The following ZNF835 variants were observed in gnomAD, a reference collection of about 807,000 sequenced individuals.
The protein encoded by ZNF835 is zinc finger protein 835.
For synonymous variants in ZNF835, 323 were observed against 324.7 expected (o/e 0.99, Z 0.06); for missense variants, 783 against 758.4 (o/e 1.03, Z -0.38).
chr19:56,671,273 C>T (rs942800566), intron 1 of ZNF835, among the ~76,000 whole-genome samples: 2 of 130,534 alleles, frequency 1.5e-5, no homozygotes, highest in Admixed American at 7.5e-5. Flanking sequence ...AGGCTCACAG[C>T]CAGTCACACA....
intron 1 of ZNF835, among the ~76,000 whole-genome samples, chr19:56,670,285 G>A (rs2045277662): frequency 6.6e-6 from 1 of 152,090 alleles, no homozygotes; most frequent in African/African-American, 2.4e-5. Context: ...TGGGGATAAA[G>A]ATTAAACATA....
At position 56,666,398 on chromosome 19, in the gene ZNF835, C is replaced by T. The variant is rs57341717; in HGVS notation, c.-47-1153G>A. ...CTGGGATTACAGGCGTGAGCCACCG[C>T]GCTTGGCTGGGACTAATGTTTTGAT... On this transcript the variant is annotated intron_variant, in intron 1 of 1. Transcript: ENST00000537055. 4.2e-3 allele frequency among the ~76,000 whole-genome samples: 633 copies of T among 152,274 alleles called. 2 individuals are homozygous for T. The highest frequency in any genetic ancestry group is 0.014 in the African/African-American group (569 of 41,560).
chr19:56,663,862 T>A lies in ZNF835; in HGVS notation c.1337A>T (p.Tyr446Phe). 1 of 1,613,284 alleles carries A rather than the reference T, an allele frequency of 6.2e-7. No individual in the cohort carries two copies. The highest frequency in any genetic ancestry group is 8.5e-7 in the Non-Finnish European group (1 of 1,179,834). Reference protein sequence around the residue: ...HQRTHTGERPYTCPECGKAFS... With the variant: ...HQRTHTGERPFTCPECGKAFS... ...GGCCTTGCCGCACTCGGGGCAGGTGTAGGGCCGCTCGCCCGTGTGCGTGCG... is the reference window on the plus strand; with the variant it reads ...GGCCTTGCCGCACTCGGGGCAGGTGAAGGGCCGCTCGCCCGTGTGCGTGCG... Residue 446 changes from tyrosine (Y) to phenylalanine (F), a missense_variant, in exon 2 of 2, where the codon TAC (tyrosine) becomes TTC (phenylalanine). Physicochemically the swap from Tyr to Phe is conservative, Grantham distance 22. Transcript: ENST00000537055.
intron 1 of ZNF835, among the ~76,000 whole-genome samples, chr19:56,669,455 A>C (rs1043400705): frequency 2.0e-5 from 3 of 152,262 alleles, no homozygotes; most frequent in South Asian, 4.1e-4. Flanking sequence ...TGAAGGCTGG[A>C]ATGCTCATCA....
At chr19:56,666,043 T>C (rs2045242527) in intron 1 of ZNF835, among the ~76,000 whole-genome samples, 2 of 152,072 alleles carry the variant, frequency 1.3e-5, no homozygotes, top group Non-Finnish European at 2.9e-5. Flanking sequence ...AGGTGATGCT[T>C]TGTGGAGATG....
At chr19:56,668,844 C>G (rs986225543) in intron 1 of ZNF835, among the ~76,000 whole-genome samples, 1 of 151,926 alleles carries the variant, frequency 6.6e-6, no homozygotes, top group Non-Finnish European at 1.5e-5. Context: ...CAGGCTGGGT[C>G]GGCTCAGGTG....
Position 56,663,551 on chromosome 19 carries a change from A to T in ZNF835, c.*34T>A. On this transcript the variant is annotated 3_prime_UTR_variant, in exon 2 of 2. Coordinates refer to ENST00000537055, the MANE Select transcript of ZNF835 (RefSeq NM_001005850.3). ...GGGGATAACACAGTATCTCCCCCAT[A>T]GCATTGTGAGGTTGGAAAGGAGGCC... 1.2e-6 allele frequency: 2 copies of T among 1,612,796 alleles called. No homozygotes were observed. The highest frequency in any genetic ancestry group is 2.2e-5 in the South Asian group (2 of 91,016).
rs2045199150 is a variant in ZNF835 at position 56,663,117 on chromosome 19, CATCACT to C, written c.*462_*467del. ...CGGAGGTTGCAGTGAGCCGAGATTGCATCACTGCACTCCAGCCTGGGCGACAGAGCA... is the reference window on the plus strand; with the variant it reads ...CGGAGGTTGCAGTGAGCCGAGATTGCGCACTCCAGCCTGGGCGACAGAGCA... On this transcript the variant is annotated 3_prime_UTR_variant, in exon 2 of 2. Coordinates refer to ENST00000537055, the MANE Select transcript of ZNF835 (RefSeq NM_001005850.3). 6.4e-6 allele frequency: 1 copy of C among 157,140 alleles called. No homozygotes were observed. Among genetic ancestry groups the C allele is most frequent in the Non-Finnish European group, 1.3e-5 (1 of 74,652 alleles). The allele number at this position is 157,140 out of a possible 1,614,324, so 9.7% of individuals were successfully genotyped here. A position where few individuals can be genotyped will look rare whatever the true frequency, so the allele number is the denominator to read the frequency against.
Position 56,664,729 on chromosome 19 carries a change from T to C in ZNF835, c.470A>G (p.Gln157Arg). ...GGGCTTCTCGCCCGTGTGCGTGCGC[T>C]GGTGCAGGGTCAGGTGCACGCTCTG... ...FSQSVHLTLH[Q>R]RTHTGEKPYA... Residue 157 changes from glutamine (Q) to arginine (R), a missense_variant, in exon 2 of 2, where the codon CAG (glutamine) becomes CGG (arginine). Physicochemically the swap from Gln to Arg is conservative, Grantham distance 43. Transcript: ENST00000537055. 1.2e-6 allele frequency: 2 copies of C among 1,611,512 alleles called. No homozygotes were observed. The highest frequency in any genetic ancestry group is 1.7e-6 in the Non-Finnish European group (2 of 1,178,458).
rs779830533 is a variant in ZNF835, at chr19:56,663,657, C to G, written c.1542G>C (p.Gly514=). 6.2e-7 allele frequency: 1 copy of G among 1,614,048 alleles called. No individual in the cohort carries two copies. Among genetic ancestry groups the G allele is most frequent in the Non-Finnish European group, 8.5e-7 (1 of 1,179,902 alleles). The stretch of plus-strand genomic sequence containing the variant: ...GACAGGTTTCTCCTCCCTGTGAGAG[C>G]CCAGGTGTTGAGTCAGGCGTGGGAG... ...CPAPTPDSTP[G]LSQGGETCQQ... The change falls in exon 2 of 2, where the codon GGG becomes GGC. Residue 514 remains glycine (G), a synonymous_variant. Coordinates refer to ENST00000537055, the MANE Select transcript of ZNF835 (RefSeq NM_001005850.3).
At chr19:56,669,033 C>G (rs1471139318) in intron 1 of ZNF835, among the ~76,000 whole-genome samples, 2 of 152,098 alleles carry the variant, frequency 1.3e-5, no homozygotes, top group African/African-American at 4.8e-5. Flanking sequence ...CCCAGCACTT[C>G]TGACACGTGG....
In ZNF835 at chr19:56,664,621, G is replaced by A. The variant is rs759310456; in HGVS notation, c.578C>T (p.Pro193Leu). The A allele has an allele frequency of 1.9e-6, 3 of 1,606,180 alleles. No homozygotes were observed. Among genetic ancestry groups the A allele is most frequent in the South Asian group, 2.2e-5 (2 of 90,580 alleles). Residue 193 changes from proline to leucine, a missense_variant, in exon 2 of 2, where the codon CCG (proline) becomes CTG (leucine). By Grantham distance (98) the Pro-to-Leu change is moderately conservative. Transcript: ENST00000537055. The part of the protein sequence containing the change: ...SHWRTHTGEK[P>L]HRCADCGKAF... Reference sequence around the variant, plus strand: ...CTTGCCGCAGTCGGCGCAGCGGTGCGGCTTCTCGCCCGTGTGCGTGCGCCA... The same window carrying A: ...CTTGCCGCAGTCGGCGCAGCGGTGCAGCTTCTCGCCCGTGTGCGTGCGCCA...
intron 1 of ZNF835, among the ~76,000 whole-genome samples, chr19:56,666,765 G>A (rs1021118988): frequency 4.6e-5 from 7 of 152,162 alleles, no homozygotes; most frequent in South Asian, 2.1e-4. Flanking sequence ...TAGGATTAGC[G>A]TCCTTATAAG....
In ZNF835 at chr19:56,664,043, C is replaced by T. The variant is rs748616310; in HGVS notation, c.1156G>A (p.Gly386Ser). Residue 386 changes from glycine to serine, a missense_variant, in exon 2 of 2, where the codon GGT (glycine) becomes AGT (serine). By Grantham distance (56) the Gly-to-Ser change is moderately conservative. Transcript: ENST00000537055. ...TGCAGGCACCTGTAGGGCCGCTCAC[C>T]GGTGTGCACGAGGCGGTGCTGGAGG... ...HLLQHRLVHTGERPYRCLQCG... is the reference protein window; with the variant it reads ...HLLQHRLVHTSERPYRCLQCG... 1.2e-6 allele frequency: 2 copies of T among 1,611,714 alleles called. No homozygotes were observed.
In ZNF835 at chr19:56,663,675, C is replaced by T. The variant is rs771623078; in HGVS notation, c.1524G>A (p.Thr508=). ...DSSGRLCPAP[T]PDSTPGLSQG... ...GTGAGAGCCCAGGTGTTGAGTCAGG[C>T]GTGGGAGCTGGGCAAAGGCGTCCCG... The change falls in exon 2 of 2, where the codon ACG becomes ACA. Residue 508 remains threonine, a synonymous_variant. Coordinates refer to ENST00000537055, the MANE Select transcript of ZNF835 (RefSeq NM_001005850.3). 5.0e-6 allele frequency: 8 copies of T among 1,613,898 alleles called. No homozygotes were observed. In the Admixed American group the frequency reaches 6.7e-5, roughly 13 times the overall value.
In ZNF835 at chr19:56,671,713, G is replaced by A. The variant is rs2045295414; in HGVS notation, c.-185C>T. The A allele has an allele frequency of 1.3e-5, 2 of 152,290 alleles. No individual in the cohort carries two copies. Among genetic ancestry groups the A allele is most frequent in the East Asian group, 1.9e-4 (1 of 5,198 alleles). 9.4% of individuals were successfully genotyped at this position (152,290 alleles called of 1,614,324 possible). Reference sequence around the variant, plus strand: ...CCCTGGTGCCTCCTTCCTTAGACGAGCTAAGGTCAAGACTTCTGCTGCTGC... The same window carrying A: ...CCCTGGTGCCTCCTTCCTTAGACGAACTAAGGTCAAGACTTCTGCTGCTGC... On this transcript the variant is annotated 5_prime_UTR_variant, in exon 1 of 2. Coordinates refer to ENST00000537055, the MANE Select transcript of ZNF835 (RefSeq NM_001005850.3).
chr19:56,667,987 T>C (rs1439519308), intron 1 of ZNF835, among the ~76,000 whole-genome samples: 1 of 152,090 alleles, frequency 6.6e-6, no homozygotes, highest in African/African-American at 2.4e-5. Context: ...TTTTTGTTTT[T>C]TTGTTTGTTT....
Position 56,664,504 on chromosome 19 carries a change from C to T in ZNF835, c.695G>A (p.Arg232His). Reference protein sequence around the residue: ...YACAQCAKAFRNRSSLIEHQR... With the variant: ...YACAQCAKAFHNRSSLIEHQR... ...GTGCTCTATCAGGGACGAGCGGTTGCGGAACGCCTTGGCGCACTGGGCGCA... is the reference window on the plus strand; with the variant it reads ...GTGCTCTATCAGGGACGAGCGGTTGTGGAACGCCTTGGCGCACTGGGCGCA... The change falls in exon 2 of 2, where the codon CGC becomes CAC. Residue 232 changes from arginine (R) to histidine (H), a missense_variant. Physicochemically the swap from Arg to His is conservative, Grantham distance 29 (BLOSUM62 0). Transcript: ENST00000537055. 1 of 1,608,476 alleles carries T rather than the reference C, an allele frequency of 6.2e-7. No homozygotes were observed. Among genetic ancestry groups the T allele is most frequent in the Non-Finnish European group, 8.5e-7 (1 of 1,178,104 alleles).
rs780481662 is a variant in ZNF835 at position 56,664,194 on chromosome 19, C to A, written c.1005G>T (p.Ala335=). The A allele has an allele frequency of 1.9e-6, 3 of 1,599,600 alleles. No individual in the cohort carries two copies. The highest frequency in any genetic ancestry group is 2.6e-6 in the Non-Finnish European group (3 of 1,171,418). The change falls in exon 2 of 2, where the codon GCG becomes GCT. Residue 335 remains alanine, a synonymous_variant. Transcript: ENST00000537055. ...TGAAGGCCTTGGCGCACTGGCCGCACGCGTAGGGCTTCTCGCCTGTGTGGA... is the reference window on the plus strand; with the variant it reads ...TGAAGGCCTTGGCGCACTGGCCGCAAGCGTAGGGCTTCTCGCCTGTGTGGA... ...RRIHTGEKPY[A]CGQCAKAFTQ...
Sources: gnomAD v4.1 joint callset for allele counts (sites outside exome capture counted in the v4.1 genomes callset) on GRCh38, gnomAD v4.1.1 for gene constraint, MANE v1.5 for transcripts, NCBI Gene and HGNC (gene_info 2026-07-23, HGNC 2026-07-21) for gene names.